TBL1XR1: variants seen among roughly 807,000 people sequenced by gnomAD.
TBL1XR1 encodes F-box-like/WD repeat-containing protein TBL1XR1.
Under a neutral mutation model 66.9 loss-of-function variants are expected in TBL1XR1, and 5 were observed. The observed-to-expected ratio is 0.07, with a 90% CI of 0.04 to 0.16. The LOEUF is 0.16. Ranked by LOEUF, TBL1XR1 falls within the 10% of genes least tolerant of loss-of-function variation. The pLI, the probability that TBL1XR1 is intolerant of heterozygous loss-of-function variation, is 1.00. For synonymous variants in TBL1XR1, 210 were observed against 206.0 expected (o/e 1.02, Z -0.17); for missense variants, 238 against 623.2 (o/e 0.38, Z 6.58).
intron 1 of TBL1XR1, among the ~76,000 whole-genome samples, chr3:177,161,711 G>A (rs1200611690): frequency 6.6e-6 from 1 of 151,792 alleles, no homozygotes; most frequent in Non-Finnish European, 1.5e-5. Flanking sequence ...TTGAACCAGG[G>A]AGGTAGAGGT....
chr3:177,159,040 A>C (rs535616107), intron 1 of TBL1XR1, among the ~76,000 whole-genome samples: 1 of 152,294 alleles, frequency 6.6e-6, no homozygotes, highest in African/African-American at 2.4e-5. Context: ...ACCCTATTAA[A>C]AGTTTTAATT....
intron 2 of TBL1XR1, among the ~76,000 whole-genome samples, chr3:177,077,675 A>T (rs888790670): frequency 1.7e-4 from 26 of 152,288 alleles, no homozygotes; most frequent in African/African-American, 6.3e-4. Flanking sequence ...TATCATTCTA[A>T]CATGTCCCAC....
chr3:177,112,104 TA>T (rs1248860946), intron 1 of TBL1XR1, among the ~76,000 whole-genome samples: 2,984 of 54,512 alleles, frequency 0.055, 107 homozygotes, highest in Non-Finnish European at 0.072. Context: ...TATATATATA[TA>T]TATTTTTTTT....
intron 2 of TBL1XR1, among the ~76,000 whole-genome samples, chr3:177,073,146 C>T (rs2108573829): frequency 6.6e-6 from 1 of 152,212 alleles, no homozygotes; most frequent in South Asian, 2.1e-4. Context: ...ATAACTATAA[C>T]CCACATAAAC....
rs1288469322 is a variant in TBL1XR1 at position 177,047,375 on chromosome 3, C to A, written c.789G>T (p.Gly263=). Residue 263 remains glycine, a synonymous_variant, in exon 9 of 16, where the codon GGG becomes GGT. Coordinates refer to ENST00000457928, the MANE Select transcript of TBL1XR1 (RefSeq NM_024665.7). The stretch of plus-strand genomic sequence containing the variant: ...ATGCAAATATAGGGCCTTTATGCTG[C>A]CCTAAGGTGCTAGCAAGGTTACCTA... The part of the protein sequence containing the change: ...TKDGNLASTL[G]QHKGPIFALK... 1 of 1,578,088 alleles carries A rather than the reference C, an allele frequency of 6.3e-7. No individual in the cohort carries two copies.
At chr3:177,101,029 AT>A (rs1724141401) in intron 1 of TBL1XR1, among the ~76,000 whole-genome samples, 2 of 151,484 alleles carry the variant, frequency 1.3e-5, no homozygotes, top group Admixed American at 1.3e-4. Context: ...CTAATTCTGT[AT>A]TTTTTAGTAG....
intron 1 of TBL1XR1, among the ~76,000 whole-genome samples, chr3:177,150,740 A>G (rs1730788520): frequency 6.6e-6 from 1 of 152,194 alleles, no homozygotes; most frequent in Non-Finnish European, 1.5e-5. Flanking sequence ...GGTGCCATGC[A>G]GCTGAGCAGG....
chr3:177,027,563 G>A (rs1560092748), intron 14 of TBL1XR1: 1 of 152,138 alleles, frequency 6.6e-6, no homozygotes, highest in Non-Finnish European at 1.5e-5. Context: ...TCAGAAAAGT[G>A]ACCTCTGCAG....
chr3:177,123,700 T>C (rs1182925104), intron 1 of TBL1XR1, among the ~76,000 whole-genome samples: 1 of 152,090 alleles, frequency 6.6e-6, no homozygotes, highest in Non-Finnish European at 1.5e-5. Context: ...TCAGATTATA[T>C]AATCAGATTT....
At chr3:177,068,122 T>A (rs1719408614) in intron 2 of TBL1XR1, among the ~76,000 whole-genome samples, 1 of 152,208 alleles carries the variant, frequency 6.6e-6, no homozygotes, top group South Asian at 2.1e-4. Context: ...CTCAAAGAGC[T>A]TATGGCTTAT....
chr3:177,156,793 G>A (rs1488318906), intron 1 of TBL1XR1, among the ~76,000 whole-genome samples: 1 of 152,104 alleles, frequency 6.6e-6, no homozygotes. Context: ...ATAGCTCAAA[G>A]CTGGAAGCAA....
At chr3:177,173,442 T>C (rs765994004) in intron 1 of TBL1XR1, among the ~76,000 whole-genome samples, 1 of 152,180 alleles carries the variant, frequency 6.6e-6, no homozygotes, top group African/African-American at 2.4e-5. Context: ...GATTAAAATA[T>C]ACCAATAAGT....
chr3:177,078,148 G>T (rs1285544950), intron 2 of TBL1XR1, among the ~76,000 whole-genome samples: 1 of 152,182 alleles, frequency 6.6e-6, no homozygotes, highest in African/African-American at 2.4e-5. Flanking sequence ...AGTCTGTCAT[G>T]ATCTGGTTTC....
intron 10 of TBL1XR1, among the ~76,000 whole-genome samples, chr3:177,043,410 CT>C (rs1487675832): frequency 6.6e-6 from 1 of 152,050 alleles, no homozygotes; most frequent in Non-Finnish European, 1.5e-5. Context: ...TAATAACCTC[CT>C]TTTTCCCTGT....
At chr3:177,090,728 T>C (rs1264139781) in intron 2 of TBL1XR1, among the ~76,000 whole-genome samples, 2 of 152,016 alleles carry the variant, frequency 1.3e-5, no homozygotes, top group East Asian at 3.9e-4. Flanking sequence ...AGAGAATCAC[T>C]TGAAGAATTG....
At chr3:177,053,939 A>T in intron 3 of TBL1XR1, 21 bp from the exon 4 acceptor site, 1 of 1,590,444 alleles carries the variant, frequency 6.3e-7, no homozygotes, top group Non-Finnish European at 8.5e-7. Flanking sequence ...AAGAAAAGGC[A>T]TGAGAATTTA....
At chr3:177,097,227 T>G (rs1419879846) in intron 2 of TBL1XR1, among the ~76,000 whole-genome samples, 1 of 152,222 alleles carries the variant, frequency 6.6e-6, no homozygotes, top group Non-Finnish European at 1.5e-5. Context: ...CCTCCCTAAT[T>G]TAGTAAAACT....
chr3:177,049,145 T>C (rs1384205621), intron 7 of TBL1XR1, among the ~76,000 whole-genome samples: 1 of 152,194 alleles, frequency 6.6e-6, no homozygotes, highest in Non-Finnish European at 1.5e-5. Context: ...CTGAGAACTT[T>C]AGTGGGGATA....
intron 2 of TBL1XR1, among the ~76,000 whole-genome samples, chr3:177,069,809 G>GA (rs1332430077): frequency 1.1e-3 from 140 of 123,736 alleles, no homozygotes; most frequent in Non-Finnish European, 1.6e-3. Flanking sequence ...AGGAAGGAAG[G>GA]AAGGAAGGAA....
Sources: allele counts gnomAD v4.1 joint callset (sites outside exome capture counted in the v4.1 genomes callset), GRCh38; gene constraint gnomAD v4.1.1; transcripts MANE v1.5; gene names NCBI Gene and HGNC (gene_info 2026-07-23, HGNC 2026-07-21).